Variants in FAT1 observed in about 807,000 individuals in gnomAD.
FAT1 encodes the protein protocadherin Fat 1.
A neutral mutation model predicts 329.8 loss-of-function variants in FAT1; 171 were observed. The observed-to-expected ratio is 0.52, with a 90% CI of 0.46 to 0.59. The LOEUF (loss-of-function observed/expected upper bound fraction) is 0.59, where lower values mean the gene tolerates loss of function less well. Ranked by LOEUF, FAT1 falls within the 20% of genes least tolerant of loss-of-function variation. The pLI, the probability that FAT1 is intolerant of heterozygous loss-of-function variation, is 0.00. For synonymous variants in FAT1, 2,233 were observed against 2,228.6 expected, an observed-to-expected ratio of 1.00 and a Z score of -0.06; for missense variants, 5,672 against 5,774.4, an observed-to-expected ratio of 0.98 and a Z score of 0.57.
rs2126478640 is a variant in FAT1 at position 186,614,224 on chromosome 4, C to T, written c.9196G>A (p.Gly3066Ser). 1 of 1,600,898 alleles carries T rather than the reference C, an allele frequency of 6.2e-7. No individual in the cohort carries two copies. ...AEITYTLLGS[G>S]AEKFKLNPDT... ...GGATTTAGTTTGAATTTTTCTGCAC[C>T]TGAACCCAATAACGTGTAAGTAATT... is the stretch of plus-strand genomic sequence containing the variant. Residue 3066 changes from glycine to serine, a missense_variant, in exon 12 of 27, where the codon GGT (glycine) becomes AGT (serine). Physicochemically the swap from Gly to Ser is moderately conservative, Grantham distance 56. This residue lies in a region of FAT1 where 3,966 missense variants were observed against 3,915.2 expected (regional missense o/e 1.01). Transcript: ENST00000441802.
Position 186,709,066 on chromosome 4 carries a change from A to G in FAT1, c.762T>C (p.Ala254=), listed in dbSNP as rs1357287958. 1.9e-6 allele frequency: 3 copies of G among 1,613,788 alleles called. No individual in the cohort carries two copies. The highest frequency in any genetic ancestry group is 2.7e-5 in the African/African-American group (2 of 74,896). ...TVHIEQANEC[A]PVITAVTLSP... ...ACAATGTCACTGCTGTTATCACCGG[A>G]GCACATTCATTGGCCTGTTCGATGT... The change falls in exon 2 of 27, where the codon GCT becomes GCC. Residue 254 remains alanine, a synonymous_variant. Coordinates refer to ENST00000441802, the MANE Select transcript of FAT1 (RefSeq NM_005245.4).
intron 16 of FAT1, among the ~76,000 whole-genome samples, chr4:186,607,725 G>A (rs1436016736): frequency 6.6e-6 from 1 of 151,898 alleles, no homozygotes; most frequent in Non-Finnish European, 1.5e-5. Context: ...GTGGGTAGGT[G>A]AGTGGGGAGA....
chr4:186,598,503 A>T (rs2126405097), intron 22 of FAT1: 1 of 160,356 alleles, frequency 6.2e-6, no homozygotes, highest in African/African-American at 2.4e-5. Context: ...GAATGTGAAA[A>T]GCACTTTGAA....
chr4:186,618,007 AAGGATTCAATGACTTCCACACTTTGTG>A lies in FAT1; in HGVS notation c.8552_8578del (p.Ser2851_Ser2859del). 6.2e-7 allele frequency: 1 copy of A among 1,614,022 alleles called. No individual in the cohort carries two copies. Reference sequence around the variant, plus strand: ...CCAGCCTGTTTCCATGTTAATGGCAAAGGATTCAATGACTTCCACACTTTGTGACTGATCCAGGCTATACATAACTTG... The same window carrying A: ...CCAGCCTGTTTCCATGTTAATGGCAAACTGATCCAGGCTATACATAACTTG... On this transcript the variant is annotated inframe_deletion, in exon 10 of 27. Transcript: ENST00000441802.
rs1176122329 is a variant in FAT1, at chr4:186,619,530, C to T, written c.7056G>A (p.Gln2352=). ...ISLLRTLDYE[Q]SRQHTIFVRA... The stretch of plus-strand genomic sequence containing the variant: ...TCACAAAAATCGTGTGCTGCCGGGA[C>T]TGCTCGTAATCCAGGGTTCTGAGTA... Residue 2352 remains glutamine, a synonymous_variant, in exon 10 of 27, where the codon CAG becomes CAA. Coordinates refer to ENST00000441802, the MANE Select transcript of FAT1 (RefSeq NM_005245.4). The T allele has an allele frequency of 6.2e-7, 1 of 1,613,974 alleles. No individual in the cohort carries two copies. The highest frequency in any genetic ancestry group is 1.7e-5 in the Admixed American group (1 of 60,024).
intron 2 of FAT1, among the ~76,000 whole-genome samples, chr4:186,668,990 G>A (rs1742601340): frequency 6.6e-6 from 1 of 152,078 alleles, no homozygotes; most frequent in Admixed American, 6.5e-5. Flanking sequence ...AACTCACCCT[G>A]GAGACAAAAG....
intron 2 of FAT1, among the ~76,000 whole-genome samples, chr4:186,669,734 A>G (rs913501295): frequency 6.6e-6 from 1 of 152,220 alleles, no homozygotes; most frequent in Non-Finnish European, 1.5e-5. Flanking sequence ...GATAGTTGAA[A>G]ATAGAGCTCA....
chr4:186,627,568 C>CTGGG (rs1035421834), intron 9 of FAT1, among the ~76,000 whole-genome samples: 1 of 152,110 alleles, frequency 6.6e-6, no homozygotes, highest in Non-Finnish European at 1.5e-5. Context: ...CCCCAGCAGG[C>CTGGG]CCCAGCTCTG....
intron 17 of FAT1, among the ~76,000 whole-genome samples, chr4:186,605,219 A>G (rs1238040489): frequency 4.4e-5 from 6 of 136,136 alleles, no homozygotes; most frequent in Non-Finnish European, 9.0e-5. Context: ...CATCTCAGAA[A>G]AAAAAAAAAA....
chr4:186,636,928 G>T lies in FAT1; in HGVS notation c.3643-14C>A. ...TGTCACAGTAACCTGTTTTTTTAAA[G>T]TTAACAGATTAACATGTTAAGATAT... On this transcript the variant is annotated splice_polypyrimidine_tract_variant and intron_variant, in intron 4 of 26. Transcript: ENST00000441802. 1 of 1,579,918 alleles carries T rather than the reference G, an allele frequency of 6.3e-7. No homozygotes were observed. The highest frequency in any genetic ancestry group is 8.6e-7 in the Non-Finnish European group (1 of 1,165,280).
Position 186,588,643 on chromosome 4 carries a change from G to C in FAT1, c.13716C>G (p.Phe4572Leu), listed in dbSNP as rs749214202. ...CCAGGGGCGGGATCGTCACCTCTTC[G>C]AAGTGGCCGTCGTCCCCGCTCTCAT... ...SDYESGDDGH[F>L]EEVTIPPLDS... The change falls in exon 27 of 27, where the codon TTC becomes TTG. Residue 4572 changes from phenylalanine (F) to leucine (L), a missense_variant. Transcript: ENST00000441802. The C allele has an allele frequency of 4.3e-6, 7 of 1,613,838 alleles. No individual in the cohort carries two copies. The highest frequency in any genetic ancestry group is 5.9e-6 in the Non-Finnish European group (7 of 1,179,856).
Position 186,617,158 on chromosome 4 carries a change from A to G in FAT1, c.8922T>C (p.Asn2974=). 6.2e-7 allele frequency: 1 copy of G among 1,613,498 alleles called. No individual in the cohort carries two copies. The highest frequency in any genetic ancestry group is 8.5e-7 in the Non-Finnish European group (1 of 1,179,640). Residue 2974 remains asparagine, a synonymous_variant, in exon 11 of 27, where the codon AAT becomes AAC. Transcript: ENST00000441802. ...GTTTCTTCACATATACCTTCCATTC[A>G]TTCTGTATAGTTTCAACGGCAAACT... ...LGQFAVETIQ[N]EWKVYVKKPL...
Position 186,674,647 on chromosome 4 carries a change from C to A in FAT1, c.3266-11034G>T, listed in dbSNP as rs76281188. 7.3e-3 allele frequency among the ~76,000 whole-genome samples: 1,108 copies of A among 152,130 alleles called. 13 individuals carry two copies. Among genetic ancestry groups the A allele is most frequent in the African/African-American group, 0.026 (1,063 of 41,476 alleles). ...AGTTCAAGAACTCCGTGTGACCAGG[C>A]CCATTTAGGATAAAAAAGAAAAAAG... is the stretch of plus-strand genomic sequence containing the variant. On this transcript the variant is annotated intron_variant, in intron 2 of 26. Transcript: ENST00000441802.
intron 3 of FAT1, among the ~76,000 whole-genome samples, 188 bp downstream of exon 3, chr4:186,663,111 C>G (rs1248895279): frequency 6.6e-6 from 1 of 152,236 alleles, no homozygotes; most frequent in African/African-American, 2.4e-5. Context: ...GCTGGGATTA[C>G]AGGCGTGAGC....
chr4:186,621,433 G>A lies in FAT1; in HGVS notation c.5153C>T (p.Thr1718Ile), dbSNP rs2126525236. Reference sequence around the variant, plus strand: ...GTCCAGGGCTTTCTGAGTGATGATAGTTCCAGAATGTGGATTAATATCAAA... The same window carrying A: ...GTCCAGGGCTTTCTGAGTGATGATAATTCCAGAATGTGGATTAATATCAAA... ...DAFDINPHSG[T>I]IITQKALDFE... The change falls in exon 10 of 27, where the codon ACT becomes ATT. Residue 1718 changes from threonine (T) to isoleucine (I), a missense_variant. Around this residue, in one of 2 missense-constraint regions of FAT1, gnomAD observed 3,966 missense variants for 3,915.2 expected, o/e 1.01. Transcript: ENST00000441802. 6.2e-7 allele frequency: 1 copy of A among 1,614,010 alleles called. No homozygotes were observed.
At chr4:186,666,714 C>T (rs538405259) in intron 2 of FAT1, among the ~76,000 whole-genome samples, 5 of 152,328 alleles carry the variant, frequency 3.3e-5, no homozygotes, top group African/African-American at 1.2e-4. Flanking sequence ...ACAATTTGCT[C>T]AGTGTTTACT....
chr4:186,718,631 C>T (rs930158991), intron 1 of FAT1, among the ~76,000 whole-genome samples: 12 of 152,168 alleles, frequency 7.9e-5, no homozygotes, highest in Admixed American at 7.2e-4. Flanking sequence ...TGCGCCACTG[C>T]ACTCCAGCCT....
chr4:186,639,182 A>G (rs185707452), intron 4 of FAT1, among the ~76,000 whole-genome samples: 22 of 152,374 alleles, frequency 1.4e-4, no homozygotes, highest in East Asian at 9.6e-4. Flanking sequence ...TGAGACTTCA[A>G]TCTACTTTTA....
intron 2 of FAT1, among the ~76,000 whole-genome samples, chr4:186,688,473 G>T (rs1461221441): frequency 6.6e-6 from 1 of 152,124 alleles, no homozygotes; most frequent in Admixed American, 6.6e-5. Flanking sequence ...GCAGTGAGAT[G>T]GCCCCTGGGC....
Sources: gnomAD v4.1 joint callset for allele counts (sites outside exome capture counted in the v4.1 genomes callset) on GRCh38, gnomAD v4.1.1 for gene constraint, gnomAD v4.1.1 regional missense constraint, MANE v1.5 for transcripts, NCBI Gene and HGNC (gene_info 2026-07-23, HGNC 2026-07-21) for gene names.